Variants in TMTC2 observed in about 807,000 individuals in gnomAD.
TMTC2 encodes transmembrane O-mannosyltransferase targeting cadherins 2, also known as protein O-mannosyl-transferase TMTC2.
Under a neutral mutation model 82.4 loss-of-function variants are expected in TMTC2, and 43 were observed. That is an observed-to-expected ratio of 0.52 (90% CI 0.41 to 0.67). TMTC2 has a LOEUF of 0.67. Among genes scored for constraint, TMTC2 ranks in the 30% least tolerant of loss-of-function variants. TMTC2 has a pLI of 0.00. For synonymous variants in TMTC2, 408 were observed against 381.9 expected, an observed-to-expected ratio of 1.07 and a Z score of -0.80; for missense variants, 919 against 1,012.4, an observed-to-expected ratio of 0.91 and a Z score of 1.25.
At chr12:82,845,318 C>G (rs1324234234) in intron 1 of TMTC2, among the ~76,000 whole-genome samples, 1 of 141,786 alleles carries the variant, frequency 7.1e-6, no homozygotes, top group East Asian at 2.1e-4. Context: ...ACCACAAATC[C>G]TCAAGACCTT....
At chr12:83,098,237 C>T (rs936770066) in intron 11 of TMTC2, among the ~76,000 whole-genome samples, 2 of 152,156 alleles carry the variant, frequency 1.3e-5, no homozygotes, top group Non-Finnish European at 2.9e-5. Flanking sequence ...GCCTTGTGAG[C>T]TCTTCATGTT....
chr12:83,008,763 A>C (rs1880319994), intron 8 of TMTC2, among the ~76,000 whole-genome samples: 1 of 152,116 alleles, frequency 6.6e-6, no homozygotes, highest in Non-Finnish European at 1.5e-5. Flanking sequence ...CTAATGTGAG[A>C]ACTGGTATTA....
rs557858573 is a variant in TMTC2 at position 82,790,413 on chromosome 12, T to C, written c.84-66597T>C. Among the ~76,000 whole-genome samples the C allele has an allele frequency of 2.6e-5, 4 of 152,292 alleles. No individual in the cohort carries two copies. The East Asian group carries it at 7.7e-4, about 29-fold the overall frequency. On this transcript the variant is annotated intron_variant, in intron 1 of 11. Coordinates refer to ENST00000321196, the MANE Select transcript of TMTC2 (RefSeq NM_152588.3). Reference sequence around the variant, plus strand: ...GCCAGTAATTTGTTTGGCTTTGGTTTGGAAATGTCATTTGATAGCATTTTT... The same window carrying C: ...GCCAGTAATTTGTTTGGCTTTGGTTCGGAAATGTCATTTGATAGCATTTTT...
At chr12:82,704,481 G>T (rs892163084) in intron 1 of TMTC2, among the ~76,000 whole-genome samples, 7 of 152,076 alleles carry the variant, frequency 4.6e-5, no homozygotes, top group South Asian at 2.1e-4. Context: ...AAAATCTTTT[G>T]TGTATGTCTG....
intron 10 of TMTC2, among the ~76,000 whole-genome samples, chr12:83,059,821 G>T (rs1159058052): frequency 3.3e-5 from 5 of 151,660 alleles, no homozygotes; most frequent in African/African-American, 9.7e-5. Context: ...CCATAAAGAT[G>T]AATATTAATA....
At chr12:82,889,963 G>T (rs1158013956) in intron 2 of TMTC2, among the ~76,000 whole-genome samples, 2 of 125,000 alleles carry the variant, frequency 1.6e-5, no homozygotes, top group African/African-American at 2.9e-5. Context: ...TTGTTAGAAT[G>T]TAGGTAACTA....
chr12:82,880,276 T>C (rs1164480859), intron 2 of TMTC2, among the ~76,000 whole-genome samples: 1 of 152,240 alleles, frequency 6.6e-6, no homozygotes, highest in Non-Finnish European at 1.5e-5. Context: ...AGAAGCTAAA[T>C]AAAGCGTCTA....
chr12:82,897,141 G>A (rs1358771723), intron 3 of TMTC2, among the ~76,000 whole-genome samples: 1 of 152,204 alleles, frequency 6.6e-6, no homozygotes, highest in Non-Finnish European at 1.5e-5. Flanking sequence ...GTCTCTAGAT[G>A]TCAGTGTGTA....
At chr12:82,911,700 C>A (rs558446532) in intron 3 of TMTC2, among the ~76,000 whole-genome samples, 1 of 152,088 alleles carries the variant, frequency 6.6e-6, no homozygotes, top group African/African-American at 2.4e-5. Context: ...CCTCCCGGTG[C>A]AAGTGATTCG....
chr12:82,826,484 A>G (rs1033264323), intron 1 of TMTC2, among the ~76,000 whole-genome samples: 3 of 152,222 alleles, frequency 2.0e-5, no homozygotes, highest in South Asian at 2.1e-4. Context: ...AGTCCAAAGT[A>G]TAATTTTAAT....
At chr12:83,067,870 A>G (rs1007598004) in intron 11 of TMTC2, among the ~76,000 whole-genome samples, 1 of 152,100 alleles carries the variant, frequency 6.6e-6, no homozygotes, top group Non-Finnish European at 1.5e-5. Flanking sequence ...TAAATATTCC[A>G]TGTGTATTTA....
intron 2 of TMTC2, among the ~76,000 whole-genome samples, chr12:82,872,818 A>G (rs1212506902): frequency 6.6e-6 from 1 of 152,184 alleles, no homozygotes; most frequent in African/African-American, 2.4e-5. Context: ...CTTATTCAAT[A>G]TCCAAAACCA....
At chr12:82,877,647 ATTC>A (rs1464803766) in intron 2 of TMTC2, among the ~76,000 whole-genome samples, 2 of 152,064 alleles carry the variant, frequency 1.3e-5, no homozygotes, top group Non-Finnish European at 2.9e-5. Context: ...ATAACACTAT[ATTC>A]TTCTCCTGTT....
At chr12:83,040,679 C>CTTTTTTTTTT (rs750327519) in intron 9 of TMTC2, among the ~76,000 whole-genome samples, 6 of 124,206 alleles carry the variant, frequency 4.8e-5, no homozygotes, top group Non-Finnish European at 8.2e-5. Context: ...CTGTCCTTTT[C>CTTTTTTTTTT]TTTTTTTTTT....
chr12:83,094,032 A>G (rs186878399), intron 11 of TMTC2, among the ~76,000 whole-genome samples: 66 of 152,354 alleles, frequency 4.3e-4, no homozygotes, highest in Middle Eastern at 3.4e-3. Flanking sequence ...GAGTGTGCCA[A>G]TGCCAGGCAC....
chr12:82,800,005 A>T (rs1280609559), intron 1 of TMTC2, among the ~76,000 whole-genome samples: 1 of 152,088 alleles, frequency 6.6e-6, no homozygotes, highest in South Asian at 2.1e-4. Flanking sequence ...AAGTAAAGAG[A>T]TATAAACTAG....
At chr12:82,955,748 C>A (rs896326302) in intron 4 of TMTC2, among the ~76,000 whole-genome samples, 6 of 151,854 alleles carry the variant, frequency 4.0e-5, no homozygotes, top group African/African-American at 1.5e-4. Context: ...TCTCTTTCCC[C>A]AATTATTTTT....
chr12:83,075,667 G>A (rs1445999882), intron 11 of TMTC2, among the ~76,000 whole-genome samples: 1 of 152,046 alleles, frequency 6.6e-6, no homozygotes, highest in Non-Finnish European at 1.5e-5. Context: ...TATATTTTTT[G>A]CCATGTCAGT....
chr12:83,067,091 A>G (rs995147238), intron 11 of TMTC2, among the ~76,000 whole-genome samples: 21 of 152,002 alleles, frequency 1.4e-4, no homozygotes, highest in African/African-American at 5.1e-4. Flanking sequence ...TAAATTTCGA[A>G]TAAGGAAGGC....
Sources: gnomAD v4.1 joint callset for allele counts (sites outside exome capture counted in the v4.1 genomes callset) on GRCh38, gnomAD v4.1.1 for gene constraint, MANE v1.5 for transcripts, NCBI Gene and HGNC (gene_info 2026-07-23, HGNC 2026-07-21) for gene names.